Variants in TP53I3 observed in about 807,000 individuals in gnomAD.
The protein encoded by TP53I3 is quinone oxidoreductase PIG3.
Under a neutral mutation model 27.7 loss-of-function variants are expected in TP53I3, and 32 were observed. The observed-to-expected ratio is 1.16, with a 90% CI of 0.87 to 1.55. TP53I3 has a LOEUF of 1.55. Ranked by LOEUF, TP53I3 falls within the 40% of genes most tolerant of loss-of-function variation. The probability of loss-of-function intolerance (pLI) is 0.00; values close to 1 mark genes in which losing one functional copy is unlikely to be tolerated. For synonymous variants in TP53I3, 138 were observed against 167.8 expected, an observed-to-expected ratio of 0.82 and a Z score of 1.37; for missense variants, 372 against 412.3, an observed-to-expected ratio of 0.90 and a Z score of 0.85.
chr2:24,084,162 G>C lies in TP53I3; in HGVS notation c.138+27C>G. ...AGAGGGAGGCTCTGGAGTCCCGCCC[G>C]CCCCGGCGCGGCTGAGCCCTGGGTA... On this transcript the variant is annotated intron_variant, in intron 1 of 4. Coordinates refer to ENST00000238721, the MANE Select transcript of TP53I3 (RefSeq NM_004881.5). The surrounding 1 kb of genome is among the most constrained non-coding windows in gnomAD (Gnocchi z 8.4). 1 of 1,593,992 alleles carries C rather than the reference G, an allele frequency of 6.3e-7. No individual in the cohort carries two copies. Among genetic ancestry groups the C allele is most frequent in the Non-Finnish European group, 8.5e-7 (1 of 1,171,812 alleles).
chr2:24,083,218 C>A, intron 1 of TP53I3, 66 bp from the exon 2 acceptor site: 1 of 1,481,878 alleles, frequency 6.7e-7, no homozygotes, highest in Non-Finnish European at 9.0e-7. Flanking sequence ...TACCCCTGGC[C>A]CCCCTTCCAA....
At position 24,084,367 on chromosome 2, in the gene TP53I3, AGGGC is replaced by A. The variant is rs747419768; in HGVS notation, c.-45_-42del. On this transcript the variant is annotated 5_prime_UTR_variant, in exon 1 of 5. Transcript: ENST00000238721. This position sits in a 1 kb window ranked among gnomAD's most constrained non-coding sequence, Gnocchi z 8.4. The stretch of plus-strand genomic sequence containing the variant: ...AGGGCAGGGCAGGGCAGGACAGGAC[AGGGC>A]AGGGCAGGGCAGGACAGGACAGGGC... The A allele has an allele frequency of 2.6e-6, 4 of 1,568,210 alleles. No homozygotes were observed. The African/African-American group carries it at 5.4e-5, about 21-fold the overall frequency.
At position 24,082,886 on chromosome 2, in the gene TP53I3, C is replaced by G. The variant is rs1168697630; in HGVS notation, c.405G>C (p.Val135=). ...WLTAFQLLHL[V]GNVQAGDYVL... is the part of the protein sequence containing the mutation. ...GAGTGAGCATGGAGGCCTCCTCACC[C>G]ACAAGATGTAACAGCTGGAAGGCGG... Residue 135 remains valine, a splice_region_variant and synonymous_variant, in exon 2 of 5, where the codon GTG becomes GTC. Transcript: ENST00000238721. The G allele has an allele frequency of 6.2e-7, 1 of 1,602,572 alleles. No homozygotes were observed. Among genetic ancestry groups the G allele is most frequent in the Non-Finnish European group, 8.5e-7 (1 of 1,173,062 alleles).
Position 24,084,136 on chromosome 2 carries a change from G to T in TP53I3, c.138+53C>A. On this transcript the variant is annotated intron_variant, in intron 1 of 4. Coordinates refer to ENST00000238721, the MANE Select transcript of TP53I3 (RefSeq NM_004881.5). This position sits in a 1 kb window ranked among gnomAD's most constrained non-coding sequence, Gnocchi z 8.4. ...TGGTCAATGTCCACTGAGTGCTGTT[G>T]AGAGGGAGGCTCTGGAGTCCCGCCC... 1 of 1,568,160 alleles carries T rather than the reference G, an allele frequency of 6.4e-7. No individual in the cohort carries two copies. Among genetic ancestry groups the T allele is most frequent in the Non-Finnish European group, 8.6e-7 (1 of 1,161,438 alleles).
chr2:24,084,205 C>T lies in TP53I3; in HGVS notation c.122G>A (p.Arg41Gln), dbSNP rs915031723. 6.2e-7 allele frequency: 1 copy of T among 1,613,142 alleles called. No individual in the cohort carries two copies. Among genetic ancestry groups the T allele is most frequent in the Admixed American group, 1.7e-5 (1 of 59,968 alleles). ...LLKVAASALN[R>Q]ADLMQRQGQY... ...CCTGGGTACCTGCATTAAGTCCGCC[C>T]GGTTCAGGGCGCTGGCCGCCACCTT... The change falls in exon 1 of 5, where the codon CGG (arginine) becomes CAG (glutamine). Residue 41 changes from arginine (R) to glutamine (Q), a missense_variant. Physicochemically the swap from Arg to Gln is conservative, Grantham distance 43 (BLOSUM62 1). Transcript: ENST00000238721. This position sits in a 1 kb window ranked among gnomAD's most constrained non-coding sequence, Gnocchi z 8.4.
In TP53I3 at chr2:24,084,184, G is replaced by A. The variant is rs200700296; in HGVS notation, c.138+5C>T. ...CCCGCCCCGGCGCGGCTGAGCCCTG[G>A]GTACCTGCATTAAGTCCGCCCGGTT... On this transcript the variant is annotated splice_donor_5th_base_variant and intron_variant, in intron 1 of 4. Transcript: ENST00000238721. The surrounding 1 kb of genome is among the most constrained non-coding windows in gnomAD (Gnocchi z 8.4). The A allele has an allele frequency of 1.2e-6, 2 of 1,609,942 alleles. No individual in the cohort carries two copies. Among genetic ancestry groups the A allele is most frequent in the East Asian group, 2.2e-5 (1 of 44,788 alleles).
intron 4 of TP53I3, among the ~76,000 whole-genome samples, chr2:24,078,362 C>G (rs1192788922): frequency 6.6e-6 from 1 of 151,792 alleles, no homozygotes; most frequent in Non-Finnish European, 1.5e-5. Context: ...ATGGTGAAAA[C>G]CTGTCTCTAT....
In TP53I3 at chr2:24,084,596, G is replaced by T; in HGVS notation, c.-270C>A. On this transcript the variant is annotated 5_prime_UTR_variant, in exon 1 of 5. Coordinates refer to ENST00000238721, the MANE Select transcript of TP53I3 (RefSeq NM_004881.5). The surrounding 1 kb of genome is among the most constrained non-coding windows in gnomAD (Gnocchi z 8.4). ...ACCCGGAACACAGATGGGAACGGCG[G>T]GAAGTGGGATGGCGGTACAGGGCTG... 2.4e-6 allele frequency: 1 copy of T among 414,530 alleles called. No individual in the cohort carries two copies. Among genetic ancestry groups the T allele is most frequent in the Non-Finnish European group, 4.3e-6 (1 of 233,852 alleles). 25.7% of individuals were successfully genotyped at this position (414,530 alleles called of 1,614,324 possible). A position where few individuals can be genotyped will look rare whatever the true frequency, so the allele number is the denominator to read the frequency against.
Position 24,080,508 on chromosome 2 carries a change from CT to C in TP53I3, c.619+310del, listed in dbSNP as rs1664951177. 6.6e-6 allele frequency among the ~76,000 whole-genome samples: 1 copy of C among 152,200 alleles called. No homozygotes were observed. Among genetic ancestry groups the C allele is most frequent in the African/African-American group, 2.4e-5 (1 of 41,444 alleles). On this transcript the variant is annotated intron_variant, in intron 3 of 4. Coordinates refer to ENST00000238721, the MANE Select transcript of TP53I3 (RefSeq NM_004881.5). The surrounding 1 kb of genome is among the most constrained non-coding windows in gnomAD (Gnocchi z 4.7). ...TCCAAACTGGTCTCTGCCTCCAAGC[CT>C]CCTGTTAACTAAGTGTGGAATGGCT... is the stretch of plus-strand genomic sequence containing the variant.
intron 2 of TP53I3, among the ~76,000 whole-genome samples, chr2:24,081,896 C>T (rs894287071): frequency 3.3e-5 from 5 of 151,998 alleles, no homozygotes; most frequent in African/African-American, 4.8e-5. Flanking sequence ...GAAGTTTCAC[C>T]GTGTTAGCCA....
At position 24,079,521 on chromosome 2, in the gene TP53I3, T is replaced by G; in HGVS notation, c.739A>C (p.Asn247His). ...AGTAGCTTTGAAAACAGGGGCCCAT[T>G]GATGTCACCTCCTCCCATCAGACCA... ...LYGLMGGGDI[N>H]GPLFSKLLFK... The change falls in exon 4 of 5, where the codon AAT becomes CAT. Residue 247 changes from asparagine (N) to histidine (H), a missense_variant. By Grantham distance (68) the Asn-to-His change is moderately conservative. Coordinates refer to ENST00000238721, the MANE Select transcript of TP53I3 (RefSeq NM_004881.5). 6.2e-7 allele frequency: 1 copy of G among 1,614,174 alleles called. No homozygotes were observed. Among genetic ancestry groups the G allele is most frequent in the Non-Finnish European group, 8.5e-7 (1 of 1,180,032 alleles).
At chr2:24,078,899 G>A (rs997549776) in intron 4 of TP53I3, 1 of 152,160 alleles carries the variant, frequency 6.6e-6, no homozygotes, top group Non-Finnish European at 1.5e-5. Context: ...TTTGAGATGA[G>A]GTTTTGCTAT....
rs758881371 is a variant in TP53I3, at chr2:24,084,558, C to A, written c.-232G>T. ...CTGCCTGGGAAGTCCTCGGCCGCCT[C>A]CAGACCGATCCCACCCGGAACACAG... On this transcript the variant is annotated 5_prime_UTR_variant, in exon 1 of 5. Coordinates refer to ENST00000238721, the MANE Select transcript of TP53I3 (RefSeq NM_004881.5). This position sits in a 1 kb window ranked among gnomAD's most constrained non-coding sequence, Gnocchi z 8.4. 2.2e-5 allele frequency: 11 copies of A among 500,846 alleles called. No individual in the cohort carries two copies. The highest frequency in any genetic ancestry group is 3.9e-5 in the Admixed American group (1 of 25,478). The allele number at this position is 500,846 out of a possible 1,614,324, so 31.0% of individuals were successfully genotyped here. A position where few individuals can be genotyped will look rare whatever the true frequency, so the allele number is the denominator to read the frequency against.
At position 24,079,483 on chromosome 2, in the gene TP53I3, T is replaced by C. The variant is rs755436076; in HGVS notation, c.777A>G (p.Gly259=). The part of the protein sequence containing the change: ...PLFSKLLFKR[G]SLITSLLRSR... ...ACCTCAGCAAACTGGTGATCAGACTTCCTCGCTTAAAAAGTAGCTTTGAAA... is the reference window on the plus strand; with the variant it reads ...ACCTCAGCAAACTGGTGATCAGACTCCCTCGCTTAAAAAGTAGCTTTGAAA... The change falls in exon 4 of 5, where the codon GGA becomes GGG. Residue 259 remains glycine (G), a synonymous_variant. Coordinates refer to ENST00000238721, the MANE Select transcript of TP53I3 (RefSeq NM_004881.5). 1 of 1,614,186 alleles carries C rather than the reference T, an allele frequency of 6.2e-7. No individual in the cohort carries two copies. The highest frequency in any genetic ancestry group is 8.5e-7 in the Non-Finnish European group (1 of 1,180,034).
At position 24,080,696 on chromosome 2, in the gene TP53I3, G is replaced by C. The variant is rs1290722387; in HGVS notation, c.619+123C>G. ...ATACCATAGTACTAGAATTTGGCCA[G>C]GGCAGCTGTTGTGCACTTAGCAGAG... On this transcript the variant is annotated intron_variant, in intron 3 of 4. Coordinates refer to ENST00000238721, the MANE Select transcript of TP53I3 (RefSeq NM_004881.5). This position sits in a 1 kb window ranked among gnomAD's most constrained non-coding sequence, Gnocchi z 4.7. The C allele has an allele frequency of 1.7e-6, 2 of 1,171,390 alleles. No individual in the cohort carries two copies. The highest frequency in any genetic ancestry group is 2.8e-5 in the South Asian group (2 of 71,490). The allele number at this position is 1,171,390 out of a possible 1,614,324, so 72.6% of individuals were successfully genotyped here.
rs377138438 is a variant in TP53I3 at position 24,077,792 on chromosome 2, G to A, written c.817-31C>T. 6.3e-7 allele frequency: 1 copy of A among 1,594,162 alleles called. No homozygotes were observed. On this transcript the variant is annotated intron_variant, in intron 4 of 4. Transcript: ENST00000238721. The surrounding 1 kb of genome is among the most constrained non-coding windows in gnomAD (Gnocchi z 5.5). ...ACAAGGGAAAGGAGATCATCAGCCT[G>A]GGGAGAGAGCCTCACCCTGCCCTCC... is the stretch of plus-strand genomic sequence containing the variant.
In TP53I3 at chr2:24,077,637, T is replaced by C. The variant is rs529138265; in HGVS notation, c.941A>G (p.His314Arg). The change falls in exon 5 of 5, where the codon CAT becomes CGT. Residue 314 changes from histidine to arginine, a missense_variant. Physicochemically the swap from His to Arg is conservative, Grantham distance 29. Transcript: ENST00000238721. The surrounding 1 kb of genome is among the most constrained non-coding windows in gnomAD (Gnocchi z 5.5). ...IYPVTEIQEA[H>R]KYMEANKNIG... ...GTTCTTGTTGGCCTCCATGTACTTA[T>C]GGGCCTCCTGGATTTCGGTCACTGG... The C allele has an allele frequency of 1.9e-6, 3 of 1,614,078 alleles. No individual in the cohort carries two copies. Among genetic ancestry groups the C allele is most frequent in the African/African-American group, 2.7e-5 (2 of 75,006 alleles).
In TP53I3 at chr2:24,084,169, C is replaced by A; in HGVS notation, c.138+20G>T. The A allele has an allele frequency of 6.3e-7, 1 of 1,598,874 alleles. No individual in the cohort carries two copies. Among genetic ancestry groups the A allele is most frequent in the Non-Finnish European group, 8.5e-7 (1 of 1,173,922 alleles). On this transcript the variant is annotated intron_variant, in intron 1 of 4. Coordinates refer to ENST00000238721, the MANE Select transcript of TP53I3 (RefSeq NM_004881.5). This position sits in a 1 kb window ranked among gnomAD's most constrained non-coding sequence, Gnocchi z 8.4. ...GGCTCTGGAGTCCCGCCCGCCCCGG[C>A]GCGGCTGAGCCCTGGGTACCTGCAT...
At chr2:24,082,150 C>T (rs1005495893) in intron 2 of TP53I3, among the ~76,000 whole-genome samples, 1 of 152,214 alleles carries the variant, frequency 6.6e-6, no homozygotes, top group Admixed American at 6.5e-5. Context: ...CATGCACCAT[C>T]ATGCCTGGTT....
Sources: gnomAD v4.1 joint callset for allele counts (sites outside exome capture counted in the v4.1 genomes callset) on GRCh38, gnomAD v4.1.1 for gene constraint, Gnocchi (gnomAD v3.1) non-coding constraint, MANE v1.5 for transcripts, NCBI Gene and HGNC (gene_info 2026-07-23, HGNC 2026-07-21) for gene names.